Variants in KAT6A observed in about 807,000 individuals in gnomAD.
KAT6A encodes the protein histone acetyltransferase KAT6A.
A neutral mutation model predicts 198.4 loss-of-function variants in KAT6A; 9 were observed. The observed-to-expected ratio is 0.05, with a 90% CI of 0.03 to 0.08. KAT6A has a LOEUF of 0.08. Among genes scored for constraint, KAT6A ranks in the 10% least tolerant of loss-of-function variants. KAT6A has a pLI of 1.00. For synonymous variants in KAT6A, 890 were observed against 883.0 expected, an observed-to-expected ratio of 1.01 and a Z score of -0.14; for missense variants, 2,077 against 2,509.9, an observed-to-expected ratio of 0.83 and a Z score of 3.69.
intron 8 of KAT6A, among the ~76,000 whole-genome samples, chr8:41,964,775 TAAC>T (rs1483304483): frequency 1.3e-5 from 2 of 152,150 alleles, no homozygotes; most frequent in African/African-American, 2.4e-5. Context: ...AGTAAGAGAT[TAAC>T]AACAATAACT....
intron 3 of KAT6A, among the ~76,000 whole-genome samples, chr8:41,982,185 A>T (rs1031460650): frequency 6.6e-6 from 1 of 151,988 alleles, no homozygotes; most frequent in Non-Finnish European, 1.5e-5. Context: ...TTTGATTATT[A>T]AAAAAAACTT....
At position 41,934,770 on chromosome 8, in the gene KAT6A, C is replaced by T. The variant is rs758665263; in HGVS notation, c.3450G>A (p.Lys1150=). Residue 1150 remains lysine (K), a synonymous_variant, in exon 17 of 17, where the codon AAG becomes AAA. Transcript: ENST00000265713. ...TGCGGCTCTTGCCTTTGGGCCATCC[C>T]TTTTTCTTTTTCAAAGGTGTGGATG... ...PDTSTPLKKK[K]GWPKGKSRKP... 6.2e-7 allele frequency: 1 copy of T among 1,614,074 alleles called. No homozygotes were observed. Among genetic ancestry groups the T allele is most frequent in the Non-Finnish European group, 8.5e-7 (1 of 1,180,016 alleles).
chr8:41,974,018 C>T (rs777651736), intron 8 of KAT6A, among the ~76,000 whole-genome samples: 2 of 152,142 alleles, frequency 1.3e-5, no homozygotes, highest in Non-Finnish European at 2.9e-5. Context: ...GCATCTCCAG[C>T]ATGTGGCACA....
chr8:41,934,797 A>G lies in KAT6A; in HGVS notation c.3423T>C (p.Asp1141=), dbSNP rs1821767650. Residue 1141 remains aspartate, a synonymous_variant, in exon 17 of 17, where the codon GAT becomes GAC. Transcript: ENST00000265713. ...RDVKNSPLEP[D]TSTPLKKKKG... ...TTTTCTTTTTCAAAGGTGTGGATGT[A>G]TCTGGCTCAAGAGGAGAATTCTTCA... 1.2e-6 allele frequency: 2 copies of G among 1,613,860 alleles called. No individual in the cohort carries two copies. The highest frequency in any genetic ancestry group is 1.7e-6 in the Non-Finnish European group (2 of 1,179,976).
intron 6 of KAT6A, chr8:41,977,563 A>G (rs1309339088): frequency 2.5e-6 from 1 of 398,108 alleles, no homozygotes; most frequent in African/African-American, 2.0e-5. Context: ...AGGAGTCAGA[A>G]GACTTGTTCT....
intron 2 of KAT6A, among the ~76,000 whole-genome samples, chr8:42,014,782 G>C (rs1417879111): frequency 6.6e-6 from 1 of 152,178 alleles, no homozygotes; most frequent in South Asian, 2.1e-4. Flanking sequence ...ATATACAAGG[G>C]AGGTAGAAAC....
chr8:42,011,614 C>A (rs1448529834), intron 2 of KAT6A, among the ~76,000 whole-genome samples: 1 of 151,990 alleles, frequency 6.6e-6, no homozygotes, highest in African/African-American at 2.4e-5. Context: ...GTGATGCATG[C>A]CTGTAATCCC....
At chr8:41,997,522 T>C (rs937482839) in intron 2 of KAT6A, among the ~76,000 whole-genome samples, 1 of 152,232 alleles carries the variant, frequency 6.6e-6, no homozygotes, top group Non-Finnish European at 1.5e-5. Context: ...TTTAATCCAA[T>C]TGCATAAAAA....
chr8:42,022,452 AG>A (rs2150916239), intron 2 of KAT6A, among the ~76,000 whole-genome samples: 1 of 152,352 alleles, frequency 6.6e-6, no homozygotes, highest in South Asian at 2.1e-4. Context: ...ACAGCCTAAC[AG>A]TACAAATACA....
intron 8 of KAT6A, 175 bp downstream of exon 8, chr8:41,974,529 T>C: frequency 2.3e-6 from 1 of 439,054 alleles, no homozygotes; most frequent in Non-Finnish European, 4.1e-6. Flanking sequence ...ACCAAAGCAG[T>C]TATCATGGGT....
chr8:41,986,177 G>A (rs1211563209), intron 3 of KAT6A, among the ~76,000 whole-genome samples: 1 of 152,188 alleles, frequency 6.6e-6, no homozygotes, highest in Non-Finnish European at 1.5e-5. Context: ...TTGACCTTGT[G>A]ATCTGCCCGC....
intron 2 of KAT6A, among the ~76,000 whole-genome samples, chr8:42,032,386 A>G (rs540261115): frequency 1.1e-3 from 171 of 152,282 alleles, no homozygotes; most frequent in African/African-American, 4.0e-3. Flanking sequence ...AAATTCTTCA[A>G]TATCTGAAAT....
intron 2 of KAT6A, among the ~76,000 whole-genome samples, chr8:42,046,886 T>C (rs1377553690): frequency 6.6e-6 from 1 of 152,162 alleles, no homozygotes; most frequent in Admixed American, 6.5e-5. Flanking sequence ...ATTTCAAGGG[T>C]AATAACAGTA....
At chr8:42,022,629 G>A (rs2150916360) in intron 2 of KAT6A, among the ~76,000 whole-genome samples, 1 of 152,202 alleles carries the variant, frequency 6.6e-6, no homozygotes, top group East Asian at 1.9e-4. Context: ...CTCACATACT[G>A]GTGATGACTC....
At chr8:41,950,040 G>C (rs1054284112) in intron 9 of KAT6A, among the ~76,000 whole-genome samples, 5 of 152,000 alleles carry the variant, frequency 3.3e-5, no homozygotes, top group African/African-American at 1.2e-4. Context: ...TCTCATGTTA[G>C]CCACACCAAT....
At chr8:41,945,185 G>C (rs919647208) in intron 12 of KAT6A, among the ~76,000 whole-genome samples, 2 of 151,824 alleles carry the variant, frequency 1.3e-5, no homozygotes, top group Non-Finnish European at 2.9e-5. Flanking sequence ...ATGTGTTGCA[G>C]ATGTTTAACC....
chr8:41,992,847 A>G (rs1039037563), intron 2 of KAT6A, among the ~76,000 whole-genome samples: 2 of 152,208 alleles, frequency 1.3e-5, no homozygotes, highest in African/African-American at 2.4e-5. Flanking sequence ...TCTCAGGGAC[A>G]GATTAGATCA....
chr8:42,008,735 T>C (rs1305601147), intron 2 of KAT6A, among the ~76,000 whole-genome samples: 1 of 152,090 alleles, frequency 6.6e-6, no homozygotes, highest in Non-Finnish European at 1.5e-5. Flanking sequence ...ATCTCTGTTG[T>C]CCAATACTGT....
At position 41,931,606 on chromosome 8, in the gene KAT6A, A is replaced by G. The variant is rs543378535; in HGVS notation, c.*599T>C. ...GAGTGGAGGGGATTTTAAAAGGAGA[A>G]GCATTTTCCTGCCTCACTTTATTAA... On this transcript the variant is annotated 3_prime_UTR_variant, in exon 17 of 17. Transcript: ENST00000265713. The G allele has an allele frequency of 2.0e-5, 4 of 196,668 alleles. No individual in the cohort carries two copies. Among genetic ancestry groups the G allele is most frequent in the South Asian group, 3.9e-4 (2 of 5,186 alleles). The allele number at this position is 196,668 out of a possible 1,614,324, so 12.2% of individuals were successfully genotyped here.
Sources: allele counts gnomAD v4.1 joint callset (sites outside exome capture counted in the v4.1 genomes callset), GRCh38; gene constraint gnomAD v4.1.1; transcripts MANE v1.5; gene names NCBI Gene and HGNC (gene_info 2026-07-23, HGNC 2026-07-21).